The following TMEM132D variants were observed in gnomAD, a reference collection of about 807,000 sequenced individuals.
TMEM132D encodes the protein mature OL transmembrane protein.
Under a neutral mutation model 62.3 loss-of-function variants are expected in TMEM132D, and 21 were observed. That is an observed-to-expected ratio of 0.34 (90% CI 0.24 to 0.49). The LOEUF is 0.49. TMEM132D is among the 20% of genes least tolerant of loss of function. The pLI, the probability that TMEM132D is intolerant of heterozygous loss-of-function variation, is 0.99. For missense variants in TMEM132D, 1,346 were observed against 1,402.8 expected, an observed-to-expected ratio of 0.96 and a Z score of 0.65; for synonymous variants, 621 against 575.6, an observed-to-expected ratio of 1.08 and a Z score of -1.13.
At chr12:129,219,492 G>A (rs1344673382) in intron 4 of TMEM132D, among the ~76,000 whole-genome samples, 1 of 152,166 alleles carries the variant, frequency 6.6e-6, no homozygotes, top group African/African-American at 2.4e-5. Context: ...ACGAACGAGG[G>A]CCAAGAGGGC....
intron 4 of TMEM132D, among the ~76,000 whole-genome samples, chr12:129,267,847 T>C (rs1593317082): frequency 2.0e-5 from 3 of 152,218 alleles, no homozygotes; most frequent in African/African-American, 7.2e-5. Context: ...TATAGATCAA[T>C]GGAACAGAAC....
At chr12:129,458,212 T>A (rs539938432) in intron 3 of TMEM132D, among the ~76,000 whole-genome samples, 15 of 152,276 alleles carry the variant, frequency 9.9e-5, no homozygotes, top group African/African-American at 2.9e-4. Flanking sequence ...TAGCTGAGTG[T>A]CTCTTCTCTT....
chr12:129,544,888 GT>G, intron 2 of TMEM132D, among the ~76,000 whole-genome samples: 1 of 152,200 alleles, frequency 6.6e-6, no homozygotes, highest in Middle Eastern at 3.2e-3. Flanking sequence ...TGGCAAATGT[GT>G]TTTCACAGAC....
chr12:129,198,534 T>C (rs1878607524), intron 5 of TMEM132D, among the ~76,000 whole-genome samples: 1 of 152,204 alleles, frequency 6.6e-6, no homozygotes. Context: ...TTGAAAACAT[T>C]ATGCTAAGTG....
At chr12:129,559,426 G>A (rs985581218) in intron 2 of TMEM132D, among the ~76,000 whole-genome samples, 1 of 152,182 alleles carries the variant, frequency 6.6e-6, no homozygotes, top group Non-Finnish European at 1.5e-5. Flanking sequence ...GGTCTAAAAG[G>A]AGACGAGAGG....
chr12:129,531,127 C>T lies in TMEM132D; in HGVS notation c.1047G>A (p.Thr349=), dbSNP rs148665372. 40 of 1,613,912 alleles carry T rather than the reference C, an allele frequency of 2.5e-5. No homozygotes were observed. Among genetic ancestry groups the T allele is most frequent in the Admixed American group, 3.3e-5 (2 of 60,002 alleles). ...CTGGTGCATACTTTCCAGTATAATC[C>T]GTGCGCTCCTTGACATCCCAAATGG... ...SPSIWDVKER[T]DYTGKYAPAV... is the part of the protein sequence containing the mutation. The change falls in exon 3 of 9, where the codon ACG becomes ACA. Residue 349 remains threonine (T), a synonymous_variant. Coordinates refer to ENST00000422113, the MANE Select transcript of TMEM132D (RefSeq NM_133448.3).
At chr12:129,239,642 G>A (rs1405524116) in intron 4 of TMEM132D, among the ~76,000 whole-genome samples, 1 of 152,164 alleles carries the variant, frequency 6.6e-6, no homozygotes, top group Non-Finnish European at 1.5e-5. Context: ...CAGAGAGAAT[G>A]CCATCTGATC....
rs189129096 is a variant in TMEM132D at position 129,723,362 on chromosome 12, C to A, written c.80-22664G>T. 1.1e-4 allele frequency among the ~76,000 whole-genome samples: 17 copies of A among 152,304 alleles called. No individual in the cohort carries two copies. In the East Asian group the frequency reaches 1.7e-3, roughly 16 times the overall value. On this transcript the variant is annotated intron_variant, in intron 1 of 8. Transcript: ENST00000422113. ...ATGTTGGTAGCTCTGTCTGTCCATG[C>A]AGTCGCTCTCTCTGCCCCTCCTCCG...
At chr12:129,415,751 G>A (rs1353812805) in intron 3 of TMEM132D, among the ~76,000 whole-genome samples, 2 of 152,186 alleles carry the variant, frequency 1.3e-5, no homozygotes, top group Non-Finnish European at 2.9e-5. Flanking sequence ...AGGATGGCAG[G>A]GAGGGCAAAC....
chr12:129,490,515 G>A (rs1278369507), intron 3 of TMEM132D, among the ~76,000 whole-genome samples: 1 of 126,316 alleles, frequency 7.9e-6, no homozygotes, highest in Non-Finnish European at 1.6e-5. Flanking sequence ...TGCAAGCTCC[G>A]CCTCCCGGGT....
intron 1 of TMEM132D, among the ~76,000 whole-genome samples, chr12:129,890,051 A>T (rs553365821): frequency 6.6e-6 from 1 of 152,346 alleles, no homozygotes; most frequent in East Asian, 1.9e-4. Flanking sequence ...ATCAACTTTA[A>T]TAAGATGAGT....
At chr12:129,821,880 G>A (rs529641636) in intron 1 of TMEM132D, among the ~76,000 whole-genome samples, 1 of 152,320 alleles carries the variant, frequency 6.6e-6, no homozygotes, top group East Asian at 1.9e-4. Flanking sequence ...GTCTTTCGAA[G>A]TGGGGAGCAG....
At chr12:129,255,784 C>T (rs1173839934) in intron 4 of TMEM132D, among the ~76,000 whole-genome samples, 1 of 152,158 alleles carries the variant, frequency 6.6e-6, no homozygotes, top group Non-Finnish European at 1.5e-5. Context: ...AAACAACACA[C>T]TTGGAGAGAG....
chr12:129,569,395 T>G (rs2137118314), intron 2 of TMEM132D, among the ~76,000 whole-genome samples: 1 of 152,282 alleles, frequency 6.6e-6, no homozygotes, highest in South Asian at 2.1e-4. Context: ...GACATTACAG[T>G]GCTACTCCTG....
chr12:129,460,889 A>T (rs1336550044), intron 3 of TMEM132D, among the ~76,000 whole-genome samples: 1 of 152,168 alleles, frequency 6.6e-6, no homozygotes, highest in Non-Finnish European at 1.5e-5. Context: ...ATTTAAAGGC[A>T]ATCCAGACTG....
chr12:129,235,103 G>GT (rs1236368044), intron 4 of TMEM132D, among the ~76,000 whole-genome samples: 2 of 152,156 alleles, frequency 1.3e-5, no homozygotes, highest in East Asian at 1.9e-4. Context: ...ACTATATTGA[G>GT]TTTTTTCCCA....
chr12:129,689,135 A>T (rs754617981), intron 2 of TMEM132D, among the ~76,000 whole-genome samples: 2 of 152,164 alleles, frequency 1.3e-5, no homozygotes, highest in Non-Finnish European at 2.9e-5. Context: ...TGAGAAACCT[A>T]TTCTACTCAA....
chr12:129,233,295 G>GTGAATGAA (rs888335381), intron 4 of TMEM132D, among the ~76,000 whole-genome samples: 1 of 152,064 alleles, frequency 6.6e-6, no homozygotes, highest in African/African-American at 2.4e-5. Context: ...CAGTTCTTGA[G>GTGAATGAA]TGAATGAATG....
At chr12:129,078,453 C>G (rs543192818) in intron 8 of TMEM132D, 81 bp downstream of exon 8, 5 of 1,436,662 alleles carry the variant, frequency 3.5e-6, no homozygotes, top group Non-Finnish European at 9.5e-7. Flanking sequence ...TTGTGCGACC[C>G]GCCTGGCGTG....
Sources: gnomAD v4.1 joint callset for allele counts (sites outside exome capture counted in the v4.1 genomes callset) on GRCh38, gnomAD v4.1.1 for gene constraint, MANE v1.5 for transcripts, NCBI Gene and HGNC (gene_info 2026-07-23, HGNC 2026-07-21) for gene names.